Variants in STK33 observed in about 807,000 individuals in gnomAD.
STK33 encodes the protein serine/threonine kinase 33.
A neutral mutation model predicts 58.0 loss-of-function variants in STK33; 52 were observed. The ratio of observed to expected loss-of-function variants is 0.90; its 90% CI spans 0.72 to 1.13. STK33 has a LOEUF of 1.13. Ranked by LOEUF, STK33 falls within the 50% of genes most tolerant of loss-of-function variation. STK33 has a pLI of 0.00. For synonymous variants in STK33, 215 were observed against 200.1 expected, an observed-to-expected ratio of 1.07 and a Z score of -0.63; for missense variants, 630 against 604.2, an observed-to-expected ratio of 1.04 and a Z score of -0.45.
chr11:8,553,837 A>T (rs1352561501), intron 1 of STK33, among the ~76,000 whole-genome samples: 1 of 152,184 alleles, frequency 6.6e-6, no homozygotes, highest in East Asian at 1.9e-4. Context: ...ATAAGACCCG[A>T]AACTATAAAG....
chr11:8,493,431 G>A (rs1950797259), intron 1 of STK33, among the ~76,000 whole-genome samples: 1 of 152,106 alleles, frequency 6.6e-6, no homozygotes, highest in Non-Finnish European at 1.5e-5. Context: ...CCAATAACAG[G>A]CTCTGAAATT....
At position 8,440,918 on chromosome 11, in the gene STK33, T is replaced by C. The variant is rs149622888; in HGVS notation, c.872-165A>G. ...ATGAATAATGCACAGGCCTTAACAA[T>C]TGATGTCACTGTAACCTCACTCCTA... On this transcript the variant is annotated intron_variant, in intron 11 of 15. Transcript: ENST00000687296. Among the ~76,000 whole-genome samples, 238 of 152,318 alleles carry C rather than the reference T, an allele frequency of 1.6e-3. 1 individual carries two copies. The highest frequency in any genetic ancestry group is 5.4e-3 in the African/African-American group (224 of 41,558).
intron 1 of STK33, among the ~76,000 whole-genome samples, chr11:8,481,120 T>C (rs556115814): frequency 5.6e-4 from 86 of 152,254 alleles, no homozygotes; most frequent in Non-Finnish European, 8.1e-4. Flanking sequence ...ACATTCTGAC[T>C]TGGATGTTTC....
intron 1 of STK33, among the ~76,000 whole-genome samples, chr11:8,520,346 AAAT>A (rs1241416179): frequency 2.6e-5 from 4 of 152,182 alleles, no homozygotes; most frequent in East Asian, 1.9e-4. Flanking sequence ...ACATATCTCA[AAAT>A]AATAAGAGCT....
chr11:8,488,128 C>G (rs990681969), intron 1 of STK33, among the ~76,000 whole-genome samples: 1 of 152,120 alleles, frequency 6.6e-6, no homozygotes, highest in Non-Finnish European at 1.5e-5. Context: ...TGGAATAACC[C>G]ACTTATAAGT....
rs1463800429 is a variant in STK33 at position 8,397,243 on chromosome 11, G to A, written c.1345-4533C>T. On this transcript the variant is annotated intron_variant, in intron 15 of 15. Transcript: ENST00000687296. ...GGGCAGACTGACACCTCACACGGTC[G>A]GGTACTCCTCGGAGACAAAACTTCC... Among the ~76,000 whole-genome samples the A allele has an allele frequency of 5.3e-5, 8 of 152,324 alleles. No homozygotes were observed. The South Asian group carries it at 8.3e-4, about 16-fold the overall frequency.
the STK33 span, among the ~76,000 whole-genome samples, chr11:8,361,122 AC>A: frequency 5.9e-5 from 9 of 152,138 alleles, no homozygotes; most frequent in Non-Finnish European, 1.2e-4. This position sits in a 1 kb window ranked among gnomAD's most constrained non-coding sequence, Gnocchi z 4.8. Context: ...AGGTTAGTGA[AC>A]CATTATCCCA....
chr11:8,541,506 T>C (rs1955515403), intron 1 of STK33, among the ~76,000 whole-genome samples: 1 of 152,078 alleles, frequency 6.6e-6, no homozygotes, highest in Non-Finnish European at 1.5e-5. Context: ...CCAAGAAAAA[T>C]ATCCAATGAA....
At chr11:8,489,471 A>C (rs916098831) in intron 1 of STK33, among the ~76,000 whole-genome samples, 2 of 152,322 alleles carry the variant, frequency 1.3e-5, no homozygotes, top group South Asian at 4.1e-4. Context: ...TAGGAAGTCG[A>C]AGAGCATGGC....
chr11:8,377,074 C>G, the STK33 span, among the ~76,000 whole-genome samples: 1 of 152,230 alleles, frequency 6.6e-6, no homozygotes, highest in African/African-American at 2.4e-5. Context: ...GTCCATTTAT[C>G]AAAACCACTA....
intron 5 of STK33, 36 bp from the exon 6 acceptor site, chr11:8,473,312 T>A: frequency 1.7e-6 from 2 of 1,188,572 alleles, no homozygotes; most frequent in Middle Eastern, 2.0e-4. Flanking sequence ...AAAAAAACTT[T>A]AAGATGTAAT....
At chr11:8,505,064 C>T (rs1951774122) in intron 1 of STK33, among the ~76,000 whole-genome samples, 2 of 152,156 alleles carry the variant, frequency 1.3e-5, no homozygotes, top group African/African-American at 2.4e-5. Context: ...TGGCAAATGC[C>T]ATAAATCAGA....
chr11:8,366,802 CAATT>C, the STK33 span, among the ~76,000 whole-genome samples: 1 of 152,166 alleles, frequency 6.6e-6, no homozygotes, highest in Admixed American at 6.5e-5. Context: ...TTAATGACAC[CAATT>C]AATTCCCCAT....
chr11:8,530,837 C>A (rs749834598), intron 1 of STK33, among the ~76,000 whole-genome samples: 3 of 152,146 alleles, frequency 2.0e-5, no homozygotes, highest in African/African-American at 2.4e-5. Flanking sequence ...ACCACAGGCG[C>A]CTGCCACCAA....
At chr11:8,573,979 A>G (rs1210261530) in intron 1 of STK33, among the ~76,000 whole-genome samples, 1 of 152,226 alleles carries the variant, frequency 6.6e-6, no homozygotes, top group Non-Finnish European at 1.5e-5. Flanking sequence ...GCAGTTCTGT[A>G]TCTTGATTAC....
the STK33 span, among the ~76,000 whole-genome samples, chr11:8,370,286 C>T: frequency 0.067 from 10,163 of 152,118 alleles, 368 homozygotes; most frequent in Non-Finnish European, 0.08. Context: ...CAGCCTCCAA[C>T]TCCTGGGCTC....
chr11:8,505,639 C>T (rs1358887721), intron 1 of STK33, among the ~76,000 whole-genome samples: 1 of 152,238 alleles, frequency 6.6e-6, no homozygotes, highest in African/African-American at 2.4e-5. Context: ...GTTAGTCACA[C>T]TCTGTGAAAT....
intron 1 of STK33, among the ~76,000 whole-genome samples, chr11:8,523,835 G>A (rs1486752314): frequency 6.6e-6 from 1 of 152,252 alleles, no homozygotes. Flanking sequence ...ACAGCTCATT[G>A]AGAATGGGCC....
At chr11:8,475,911 A>G (rs1216412536) in intron 4 of STK33, 1 of 152,216 alleles carries the variant, frequency 6.6e-6, no homozygotes, top group Non-Finnish European at 1.5e-5. Flanking sequence ...GATATATGCA[A>G]TATACTGTTA....
Sources: gnomAD v4.1 joint callset for allele counts (sites outside exome capture counted in the v4.1 genomes callset) on GRCh38, gnomAD v4.1.1 for gene constraint, Gnocchi (gnomAD v3.1) non-coding constraint, MANE v1.5 for transcripts, NCBI Gene and HGNC (gene_info 2026-07-23, HGNC 2026-07-21) for gene names.